ZRANB3: variants seen among roughly 807,000 people sequenced by gnomAD.
The protein encoded by ZRANB3 is zinc finger RANBP2-type containing 3.
Under a neutral mutation model 133.8 loss-of-function variants are expected in ZRANB3, and 125 were observed. The ratio of observed to expected loss-of-function variants is 0.93; its 90% CI spans 0.81 to 1.08. The LOEUF (loss-of-function observed/expected upper bound fraction) is 1.08, where lower values mean the gene tolerates loss of function less well. Ranked by LOEUF, ZRANB3 falls within the 50% of genes least tolerant of loss-of-function variation. The pLI, the probability that ZRANB3 is intolerant of heterozygous loss-of-function variation, is 0.00. For synonymous variants in ZRANB3, 387 were observed against 432.7 expected (o/e 0.89, Z 1.31); for missense variants, 1,229 against 1,275.5 (o/e 0.96, Z 0.56).
intron 12 of ZRANB3, among the ~76,000 whole-genome samples, chr2:135,250,938 C>A (rs959830137): frequency 3.9e-5 from 6 of 152,200 alleles, no homozygotes; most frequent in African/African-American, 1.4e-4. Flanking sequence ...GTCCTCCAGA[C>A]CCCAGAATGG....
intron 2 of ZRANB3, among the ~76,000 whole-genome samples, chr2:135,412,293 T>C (rs933673766): frequency 6.6e-6 from 1 of 152,144 alleles, no homozygotes; most frequent in Non-Finnish European, 1.5e-5. Context: ...TGGTGTCACG[T>C]TATATTCTGA....
At chr2:135,358,347 G>C (rs1182522697) in intron 3 of ZRANB3, among the ~76,000 whole-genome samples, 1 of 152,098 alleles carries the variant, frequency 6.6e-6, no homozygotes, top group East Asian at 1.9e-4. Flanking sequence ...TTGGGAAGTA[G>C]ACAGAATAGT....
Position 135,326,640 on chromosome 2 carries a change from G to A in ZRANB3, c.678-11110C>T, listed in dbSNP as rs975960226. Among the ~76,000 whole-genome samples, 5 of 152,004 alleles carry A rather than the reference G, an allele frequency of 3.3e-5. No homozygotes were observed. The East Asian group carries it at 9.7e-4, about 29-fold the overall frequency. On this transcript the variant is annotated intron_variant, in intron 6 of 20. Transcript: ENST00000264159. ...GTCCCGGCCAGGCATGGTGGATCAT[G>A]CCTGTAATCCCAGCACTTTGGGAGG...
intron 2 of ZRANB3, among the ~76,000 whole-genome samples, chr2:135,420,011 T>C (rs1269581893): frequency 6.7e-6 from 1 of 149,732 alleles, no homozygotes; most frequent in Non-Finnish European, 1.5e-5. Flanking sequence ...TACATATATA[T>C]GTACCTTTAA....
At chr2:135,454,111 G>A (rs1285839404) in intron 2 of ZRANB3, among the ~76,000 whole-genome samples, 1 of 152,186 alleles carries the variant, frequency 6.6e-6, no homozygotes, top group African/African-American at 2.4e-5. Context: ...CAGATCTCAT[G>A]AGACTTATTC....
At chr2:135,327,912 T>C (rs1473630981) in intron 6 of ZRANB3, among the ~76,000 whole-genome samples, 1 of 152,196 alleles carries the variant, frequency 6.6e-6, no homozygotes, top group Non-Finnish European at 1.5e-5. Flanking sequence ...GATAAAGACA[T>C]ATTACAGAAA....
At chr2:135,378,989 T>G (rs540048104) in intron 3 of ZRANB3, among the ~76,000 whole-genome samples, 1 of 152,186 alleles carries the variant, frequency 6.6e-6, no homozygotes, top group South Asian at 2.1e-4. Context: ...TAAAAGGACA[T>G]GAGAGAAAAA....
chr2:135,450,207 A>C (rs964828333), intron 2 of ZRANB3, among the ~76,000 whole-genome samples: 4 of 151,994 alleles, frequency 2.6e-5, no homozygotes, highest in Non-Finnish European at 5.9e-5. Flanking sequence ...CAAAGCTTGC[A>C]GTAAGCCGAG....
intron 9 of ZRANB3, among the ~76,000 whole-genome samples, chr2:135,272,824 G>A (rs998622513): frequency 6.6e-6 from 1 of 152,044 alleles, no homozygotes; most frequent in Non-Finnish European, 1.5e-5. Flanking sequence ...ACCGAACATT[G>A]TTGTCTTTAA....
chr2:135,384,599 A>C (rs555483882), intron 3 of ZRANB3, among the ~76,000 whole-genome samples: 53 of 152,356 alleles, frequency 3.5e-4, no homozygotes, highest in African/African-American at 1.2e-3. Flanking sequence ...CCTCAATAAA[A>C]TACTGGCAAA....
At chr2:135,236,155 G>C (rs370152243) in intron 12 of ZRANB3, among the ~76,000 whole-genome samples, 11 of 152,170 alleles carry the variant, frequency 7.2e-5, no homozygotes, top group South Asian at 2.1e-4. Context: ...CAGACAAACA[G>C]AGAGCCAAAT....
chr2:135,200,565 G>A, intron 20 of ZRANB3, 125 bp from the exon 21 acceptor site: 2 of 768,398 alleles, frequency 2.6e-6, no homozygotes, highest in South Asian at 3.6e-5. Flanking sequence ...CCAGTGGTTG[G>A]CTATGGAAGA....
At chr2:135,249,932 G>A (rs533480431) in intron 12 of ZRANB3, among the ~76,000 whole-genome samples, 6 of 152,300 alleles carry the variant, frequency 3.9e-5, no homozygotes, top group African/African-American at 1.2e-4. Context: ...CAAGATACCT[G>A]AAAATGTGGA....
chr2:135,407,462 G>GA (rs1293100869), intron 2 of ZRANB3, among the ~76,000 whole-genome samples: 1 of 149,862 alleles, frequency 6.7e-6, no homozygotes, highest in African/African-American at 2.5e-5. Flanking sequence ...CACAGAATTG[G>GA]AAAAAACTAC....
chr2:135,416,020 T>A (rs1403873045), intron 2 of ZRANB3, among the ~76,000 whole-genome samples: 1 of 151,966 alleles, frequency 6.6e-6, no homozygotes, highest in Non-Finnish European at 1.5e-5. Context: ...GGGCAAAAAC[T>A]GGAAGCATTC....
At chr2:135,523,775 T>C (rs1694039170) in intron 1 of ZRANB3, among the ~76,000 whole-genome samples, 1 of 152,204 alleles carries the variant, frequency 6.6e-6, no homozygotes. Context: ...GTCTTGATTA[T>C]TCAGTACCTC....
chr2:135,528,885 A>C (rs1694273169), intron 1 of ZRANB3, among the ~76,000 whole-genome samples: 1 of 152,250 alleles, frequency 6.6e-6, no homozygotes, highest in South Asian at 2.1e-4. Context: ...TAGTAAAAAC[A>C]ATGCAAAGAG....
At chr2:135,247,826 T>A (rs1695869972) in intron 12 of ZRANB3, among the ~76,000 whole-genome samples, 1 of 152,128 alleles carries the variant, frequency 6.6e-6, no homozygotes, top group Non-Finnish European at 1.5e-5. Context: ...GTTCCAGTCT[T>A]CCAGCTTTGG....
intron 2 of ZRANB3, among the ~76,000 whole-genome samples, chr2:135,482,492 CTTA>C (rs1258040586): frequency 2.0e-5 from 3 of 149,944 alleles, no homozygotes; most frequent in Non-Finnish European, 4.4e-5. Flanking sequence ...GCTGAAGTTG[CTTA>C]TCAGCTTAAG....
Sources: gnomAD v4.1 joint callset for allele counts (sites outside exome capture counted in the v4.1 genomes callset) on GRCh38, gnomAD v4.1.1 for gene constraint, MANE v1.5 for transcripts, NCBI Gene and HGNC (gene_info 2026-07-23, HGNC 2026-07-21) for gene names.